The following RTN1 variants were observed in gnomAD, a reference collection of about 807,000 sequenced individuals.
The protein encoded by RTN1 is reticulon 1.
Under a neutral mutation model 65.5 loss-of-function variants are expected in RTN1, and 25 were observed. The ratio of observed to expected loss-of-function variants is 0.38; its 90% CI spans 0.28 to 0.53. RTN1 has a LOEUF of 0.53. Ranked by LOEUF, RTN1 falls within the 20% of genes least tolerant of loss-of-function variation. The pLI is 0.79. For synonymous variants in RTN1, 471 were observed against 447.6 expected, an observed-to-expected ratio of 1.05 and a Z score of -0.66; for missense variants, 983 against 1,025.4, an observed-to-expected ratio of 0.96 and a Z score of 0.57.
intron 3 of RTN1, among the ~76,000 whole-genome samples, chr14:59,695,724 T>C (rs186329860): frequency 6.6e-6 from 1 of 152,172 alleles, no homozygotes; most frequent in East Asian, 1.9e-4. Flanking sequence ...TTTATCTATA[T>C]AAAATAAGGA....
chr14:59,869,444 C>T (rs1170360868), intron 1 of RTN1, among the ~76,000 whole-genome samples: 2 of 152,136 alleles, frequency 1.3e-5, no homozygotes, highest in Non-Finnish European at 2.9e-5. Context: ...ACCAGGCCGG[C>T]AGCCTCAAAG....
rs1424473867 is a variant in RTN1 at position 59,750,154 on chromosome 14, G to GAT, written c.242-3675_242-3674dup. Among the ~76,000 whole-genome samples, 52 of 24,906 alleles carry GAT rather than the reference G, an allele frequency of 2.1e-3. 2 individuals carry two copies. Among genetic ancestry groups the GAT allele is most frequent in the African/African-American group, 0.014 (49 of 3,472 alleles). The allele number at this position is 24,906 out of a possible 152,430, so 16.3% of individuals were successfully genotyped here. A position where few individuals can be genotyped will look rare whatever the true frequency, so the allele number is the denominator to read the frequency against. ...TATAATATATAATATATATATTATAGATAATATATATTATATCTATAATAT... is the reference window on the plus strand; with the variant it reads ...TATAATATATAATATATATATTATAGATATAATATATATTATATCTATAATAT... On this transcript the variant is annotated intron_variant, in intron 1 of 8. Transcript: ENST00000267484.
rs143420026 is a variant in RTN1 at position 59,798,570 on chromosome 14, A to ATC, written c.242-52091_242-52090dup. 7.4e-5 allele frequency among the ~76,000 whole-genome samples: 11 copies of ATC among 149,480 alleles called. No homozygotes were observed. The South Asian group carries it at 8.5e-4, about 12-fold the overall frequency. On this transcript the variant is annotated intron_variant, in intron 1 of 8. Coordinates refer to ENST00000267484, the MANE Select transcript of RTN1 (RefSeq NM_021136.3). ...AAAGCCAGCATCATAACATCTCCCA[A>ATC]TCTCTCTCTCTCTCTCTGATTAGGA...
chr14:59,610,915 G>GC (rs199840121), intron 3 of RTN1, among the ~76,000 whole-genome samples: 9,159 of 152,060 alleles, frequency 0.06, 354 homozygotes, highest in Non-Finnish European at 0.087. Context: ...TGATCTTGTG[G>GC]CCCCCACCCA....
intron 8 of RTN1, among the ~76,000 whole-genome samples, chr14:59,602,550 A>T (rs1422309577): frequency 6.6e-6 from 1 of 152,152 alleles, no homozygotes; most frequent in Admixed American, 6.5e-5. Flanking sequence ...TATTAAACAC[A>T]TACACACAGT....
chr14:59,763,097 G>T (rs1433121896), intron 1 of RTN1, among the ~76,000 whole-genome samples: 2 of 152,096 alleles, frequency 1.3e-5, no homozygotes, highest in Non-Finnish European at 2.9e-5. Flanking sequence ...CATATCATTT[G>T]GTAGACTCAA....
chr14:59,631,795 G>A (rs536600734), intron 3 of RTN1, among the ~76,000 whole-genome samples: 1 of 152,310 alleles, frequency 6.6e-6, no homozygotes, highest in African/African-American at 2.4e-5. Flanking sequence ...GACAGAGAAT[G>A]CCCTGGAGAC....
chr14:59,607,446 C>G lies in RTN1; in HGVS notation c.1812G>C (p.Val604=), dbSNP rs753126826. The G allele has an allele frequency of 1.2e-6, 2 of 1,611,282 alleles. No individual in the cohort carries two copies. The highest frequency in any genetic ancestry group is 2.2e-5 in the East Asian group (1 of 44,700). The change falls in exon 4 of 9, where the codon GTG becomes GTC. Residue 604 remains valine, a synonymous_variant. Transcript: ENST00000267484. ...AGAGCAGCAGCAGGAAACTCCCAAACACGATGCCCGTCTGCTTGATGTCCC... is the reference window on the plus strand; with the variant it reads ...AGAGCAGCAGCAGGAAACTCCCAAAGACGATGCCCGTCTGCTTGATGTCCC... ...YWRDIKQTGI[V]FGSFLLLLFS... is the part of the protein sequence containing the mutation.
At chr14:59,668,004 A>G (rs1015972615) in intron 3 of RTN1, among the ~76,000 whole-genome samples, 1 of 152,228 alleles carries the variant, frequency 6.6e-6, no homozygotes, top group Admixed American at 6.5e-5. Context: ...GGAAGAATCA[A>G]TATGATGAAA....
At chr14:59,685,891 G>A (rs996850263) in intron 3 of RTN1, among the ~76,000 whole-genome samples, 1 of 152,108 alleles carries the variant, frequency 6.6e-6, no homozygotes, top group African/African-American at 2.4e-5. Flanking sequence ...CAAAGCTGGA[G>A]GCATCACACT....
intron 1 of RTN1, among the ~76,000 whole-genome samples, chr14:59,854,416 G>A (rs553798637): frequency 6.6e-6 from 1 of 152,044 alleles, no homozygotes; most frequent in East Asian, 1.9e-4. Flanking sequence ...GCCAAGGCGG[G>A]CAGATCATAA....
intron 3 of RTN1, among the ~76,000 whole-genome samples, chr14:59,708,888 A>T (rs1884355876): frequency 6.6e-6 from 1 of 152,222 alleles, no homozygotes; most frequent in Admixed American, 6.5e-5. Context: ...AATCCATCTG[A>T]TCATCGCATA....
chr14:59,822,292 G>A (rs1886957548), intron 1 of RTN1, among the ~76,000 whole-genome samples: 1 of 152,092 alleles, frequency 6.6e-6, no homozygotes, highest in Non-Finnish European at 1.5e-5. Context: ...TCTAGTTTGT[G>A]TACACAGAGG....
chr14:59,671,696 C>T (rs1883508455), intron 3 of RTN1, among the ~76,000 whole-genome samples: 1 of 152,180 alleles, frequency 6.6e-6, no homozygotes, highest in Admixed American at 6.5e-5. Context: ...CTAACAACCA[C>T]CCACTGTCTG....
rs192325960 is a variant in RTN1 at position 59,686,814 on chromosome 14, T to C, written c.1765+40105A>G. On this transcript the variant is annotated intron_variant, in intron 3 of 8. Coordinates refer to ENST00000267484, the MANE Select transcript of RTN1 (RefSeq NM_021136.3). ...TGGAAATGCTATGAGGGAAAGACGC[T>C]GGGAAAAGCTGCAGACATTTTCTGA... Among the ~76,000 whole-genome samples the C allele has an allele frequency of 5.4e-4, 83 of 152,314 alleles. No homozygotes were observed. The South Asian group carries it at 8.1e-3, about 15-fold the overall frequency.
chr14:59,605,273 GC>G, intron 5 of RTN1, 94 bp downstream of exon 5: 1 of 1,347,416 alleles, frequency 7.4e-7, no homozygotes, highest in Non-Finnish European at 1.0e-6. Context: ...ATTAGCACTT[GC>G]TTTTTATTCT....
chr14:59,725,056 C>T (rs1366671453), intron 3 of RTN1, among the ~76,000 whole-genome samples: 1 of 152,132 alleles, frequency 6.6e-6, no homozygotes, highest in Non-Finnish European at 1.5e-5. Flanking sequence ...AACTTGGCAG[C>T]ACAGGGTCCA....
At chr14:59,749,398 ATATATC>A (rs1471439176) in intron 1 of RTN1, among the ~76,000 whole-genome samples, 2 of 70,760 alleles carry the variant, frequency 2.8e-5, no homozygotes, top group South Asian at 7.4e-4. Flanking sequence ...ATATATCTAT[ATATATC>A]TATATCTATA....
chr14:59,671,127 G>A (rs1010512834), intron 3 of RTN1, among the ~76,000 whole-genome samples: 6 of 152,094 alleles, frequency 3.9e-5, no homozygotes, highest in Non-Finnish European at 7.4e-5. Flanking sequence ...AGGAGGGAGG[G>A]TTGTTATGTA....
Sources: allele counts gnomAD v4.1 joint callset (sites outside exome capture counted in the v4.1 genomes callset), GRCh38; gene constraint gnomAD v4.1.1; transcripts MANE v1.5; gene names NCBI Gene and HGNC (gene_info 2026-07-23, HGNC 2026-07-21).